GPATCH8: variants seen among roughly 807,000 people sequenced by gnomAD.
GPATCH8 encodes G-patch domain containing 8, also known as G patch domain-containing protein 8.
GPATCH8 carries 18 observed loss-of-function variants against 118.3 expected under a neutral mutation model. The ratio of observed to expected loss-of-function variants is 0.15; its 90% CI spans 0.11 to 0.23. GPATCH8 has a LOEUF of 0.23. GPATCH8 is among the 10% of genes least tolerant of loss of function. The pLI, the probability that GPATCH8 is intolerant of heterozygous loss-of-function variation, is 1.00. For missense variants in GPATCH8, 1,631 were observed against 1,873.8 expected (o/e 0.87, Z 2.39); for synonymous variants, 659 against 684.7 (o/e 0.96, Z 0.59).
chr17:44,484,792 TCAATGTATCATAAGTG>T (rs1968644395), intron 1 of GPATCH8, among the ~76,000 whole-genome samples: 1 of 152,160 alleles, frequency 6.6e-6, no homozygotes, highest in African/African-American at 2.4e-5. Flanking sequence ...ATTTGATATT[TCAATGTATCATAAGTG>T]CTATGATGTG....
chr17:44,430,806 C>CAT (rs1555630021), intron 5 of GPATCH8, among the ~76,000 whole-genome samples: 1 of 129,560 alleles, frequency 7.7e-6, no homozygotes, highest in Non-Finnish European at 1.6e-5. Flanking sequence ...CCACGCCCAG[C>CAT]TTTTTTTTTT....
At chr17:44,503,027 C>A (rs1970211432) in intron 1 of GPATCH8, among the ~76,000 whole-genome samples, 1 of 152,226 alleles carries the variant, frequency 6.6e-6, no homozygotes, top group Non-Finnish European at 1.5e-5. Context: ...ACAGATCGGG[C>A]AGACCTGGAG....
intron 2 of GPATCH8, chr17:44,474,498 A>G (rs1967571325): frequency 8.0e-6 from 3 of 376,332 alleles, no homozygotes; most frequent in East Asian, 6.4e-5. Context: ...AGGTGAAGCT[A>G]TAAAGGATCA....
intron 6 of GPATCH8, among the ~76,000 whole-genome samples, chr17:44,418,325 C>T (rs1314200093): frequency 6.6e-6 from 1 of 152,188 alleles, no homozygotes; most frequent in Non-Finnish European, 1.5e-5. Flanking sequence ...TATCCATCAG[C>T]AGACAAATTT....
intron 5 of GPATCH8, among the ~76,000 whole-genome samples, chr17:44,429,995 C>A (rs969198786): frequency 9.2e-5 from 14 of 152,188 alleles, no homozygotes; most frequent in African/African-American, 3.4e-4. Context: ...CACTGCACTC[C>A]AGCCTGGGCG....
intron 6 of GPATCH8, among the ~76,000 whole-genome samples, chr17:44,423,371 A>G (rs1477848637): frequency 6.6e-6 from 1 of 152,222 alleles, no homozygotes; most frequent in African/African-American, 2.4e-5. Context: ...AAAAAGTGTA[A>G]TACCACAACC....
chr17:44,474,432 C>A, intron 2 of GPATCH8: 1 of 250,248 alleles, frequency 4.0e-6, no homozygotes, highest in Non-Finnish European at 7.9e-6. Context: ...AAAAAAATTT[C>A]CATACATATT....
At chr17:44,401,805 A>T (rs999695409) in intron 7 of GPATCH8, among the ~76,000 whole-genome samples, 1 of 151,778 alleles carries the variant, frequency 6.6e-6, no homozygotes, top group Non-Finnish European at 1.5e-5. Context: ...GAAGTTCGTA[A>T]ACAGCCTGGC....
rs991618197 is a variant in GPATCH8, at chr17:44,400,506, T to C, written c.1571A>G (p.Lys524Arg). 16 of 1,614,196 alleles carry C rather than the reference T, an allele frequency of 9.9e-6. No homozygotes were observed. The Middle Eastern group carries it at 2.1e-3, about 216-fold the overall frequency. ...KETSLATPAG[K>R]ESQEGPKHPT... is the part of the protein sequence containing the mutation. ...ATGTTTGGGTCCTTCTTGGCTTTCT[T>C]TCCCTGCTGGGGTGGCCAGAGAGGT... Residue 524 changes from lysine to arginine, a missense_variant, in exon 8 of 8, where the codon AAA becomes AGA. Transcript: ENST00000591680.
intron 3 of GPATCH8, among the ~76,000 whole-genome samples, chr17:44,439,403 C>T (rs1238190817): frequency 6.6e-6 from 1 of 152,110 alleles, no homozygotes; most frequent in East Asian, 1.9e-4. Flanking sequence ...TCTAGAGAAA[C>T]CGACATCACA....
rs377630603 is a variant in GPATCH8 at position 44,399,202 on chromosome 17, G to A, written c.2875C>T (p.Arg959Cys). The A allele has an allele frequency of 2.5e-5, 41 of 1,613,736 alleles. No individual in the cohort carries two copies. Among genetic ancestry groups the A allele is most frequent in the Middle Eastern group, 1.6e-4 (1 of 6,062 alleles). The change falls in exon 8 of 8, where the codon CGC becomes TGC. Residue 959 changes from arginine to cysteine, a missense_variant. Physicochemically the swap from Arg to Cys is radical, Grantham distance 180. This residue lies in a region of GPATCH8 where 922 missense variants were observed against 879.7 expected (regional missense o/e 1.05). Coordinates refer to ENST00000591680, the MANE Select transcript of GPATCH8 (RefSeq NM_001002909.4). ...CGACTACAACTGCTGCTGCGGCTGC[G>A]GCCCCGGGATCTTGAGCGCTCTCTG... The part of the protein sequence containing the change: ...HTRERSRSRG[R>C]SRSSSCSRSR...
At position 44,399,924 on chromosome 17, in the gene GPATCH8, T is replaced by G. The variant is rs752039281; in HGVS notation, c.2153A>C (p.Lys718Thr). The G allele has an allele frequency of 6.2e-6, 10 of 1,614,134 alleles. No individual in the cohort carries two copies. The Admixed American group carries it at 8.3e-5, about 13-fold the overall frequency. The stretch of plus-strand genomic sequence containing the variant: ...ATCTGCTGGGGCTGATGACTTATTC[T>G]TCTTTCGTTTTCGTTTCTTGCGCTT... ...SKKRKKRKRK[K>T]NKSSAPADSE... is the part of the protein sequence containing the mutation. Residue 718 changes from lysine (K) to threonine (T), a missense_variant, in exon 8 of 8, where the codon AAG becomes ACG. Lys to Thr is a moderately conservative substitution (Grantham distance 78). Coordinates refer to ENST00000591680, the MANE Select transcript of GPATCH8 (RefSeq NM_001002909.4).
rs2048917317 is a variant in GPATCH8, at chr17:44,399,393, C to T, written c.2684G>A (p.Ser895Asn). Residue 895 changes from serine (S) to asparagine (N), a missense_variant, in exon 8 of 8, where the codon AGT (serine) becomes AAT (asparagine). Coordinates refer to ENST00000591680, the MANE Select transcript of GPATCH8 (RefSeq NM_001002909.4). Reference sequence around the variant, plus strand: ...CCTTCGTGATCTGTCACTGTAGTCACTGTAGCTGTCATCAGAGTAACTGCG... The same window carrying T: ...CCTTCGTGATCTGTCACTGTAGTCATTGTAGCTGTCATCAGAGTAACTGCG... ...RQRSYSDDSYSDYSDRSRRHS... is the reference protein window; with the variant it reads ...RQRSYSDDSYNDYSDRSRRHS... 3 of 1,614,190 alleles carry T rather than the reference C, an allele frequency of 1.9e-6. No homozygotes were observed. Among genetic ancestry groups the T allele is most frequent in the Non-Finnish European group, 2.5e-6 (3 of 1,180,006 alleles).
intron 3 of GPATCH8, among the ~76,000 whole-genome samples, chr17:44,439,382 T>C (rs1285777640): frequency 6.6e-6 from 1 of 152,072 alleles, no homozygotes; most frequent in Non-Finnish European, 1.5e-5. Flanking sequence ...AACCAATCTT[T>C]GAAGGACAGC....
chr17:44,444,766 C>T (rs771599520), intron 3 of GPATCH8, among the ~76,000 whole-genome samples: 2 of 151,624 alleles, frequency 1.3e-5, no homozygotes, highest in African/African-American at 4.9e-5. Context: ...AAGAGAGAAT[C>T]TCCATCTCAC....
At chr17:44,455,005 A>G (rs2051271858) in intron 3 of GPATCH8, among the ~76,000 whole-genome samples, 1 of 152,238 alleles carries the variant, frequency 6.6e-6, no homozygotes, top group Non-Finnish European at 1.5e-5. Flanking sequence ...AGCTCTGTGT[A>G]TAACTAAGCT....
chr17:44,404,704 T>C lies in GPATCH8; in HGVS notation c.623+1217A>G, dbSNP rs78989947. Among the ~76,000 whole-genome samples the C allele has an allele frequency of 8.3e-3, 1,258 of 152,256 alleles. 5 individuals are homozygous for C. The highest frequency in any genetic ancestry group is 0.013 in the Non-Finnish European group (875 of 68,024). On this transcript the variant is annotated intron_variant, in intron 7 of 7. Coordinates refer to ENST00000591680, the MANE Select transcript of GPATCH8 (RefSeq NM_001002909.4). ...CTCAAAAATACACAAACTTAATCAGTATATTATACTATAATTATATAGATA... is the reference window on the plus strand; with the variant it reads ...CTCAAAAATACACAAACTTAATCAGCATATTATACTATAATTATATAGATA...
chr17:44,444,513 C>G (rs1341937309), intron 3 of GPATCH8, among the ~76,000 whole-genome samples: 1 of 151,936 alleles, frequency 6.6e-6, no homozygotes, highest in Non-Finnish European at 1.5e-5. Flanking sequence ...TGGCTCACGG[C>G]TGTAATCCCA....
intron 1 of GPATCH8, chr17:44,486,881 A>T (rs1968824294): frequency 6.6e-6 from 1 of 152,168 alleles, no homozygotes; most frequent in African/African-American, 2.4e-5. Flanking sequence ...ACTTTCAGAT[A>T]GACAGACTTT....
Sources: gnomAD v4.1 joint callset for allele counts (sites outside exome capture counted in the v4.1 genomes callset) on GRCh38, gnomAD v4.1.1 for gene constraint, gnomAD v4.1.1 regional missense constraint, MANE v1.5 for transcripts, NCBI Gene and HGNC (gene_info 2026-07-23, HGNC 2026-07-21) for gene names.